The following AHDC1 variants were observed in gnomAD, a reference collection of about 807,000 sequenced individuals.
AHDC1 encodes the protein transcription factor Gibbin.
Under a neutral mutation model 87.9 loss-of-function variants are expected in AHDC1, and 7 were observed. The ratio of observed to expected loss-of-function variants is 0.08; its 90% confidence interval spans 0.05 to 0.15. The LOEUF (loss-of-function observed/expected upper bound fraction) is 0.15, where lower values mean the gene tolerates loss of function less well. AHDC1 is among the 10% of genes least tolerant of loss of function. The pLI is 1.00. For missense variants in AHDC1, 1,841 were observed against 2,253.2 expected (o/e 0.82, Z 3.70); for synonymous variants, 1,051 against 1,006.8 (o/e 1.04, Z -0.83).
At position 27,549,380 on chromosome 1, in the gene AHDC1, C is replaced by A; in HGVS notation, c.2736G>T (p.Gln912His). The A allele has an allele frequency of 5.0e-6, 8 of 1,613,082 alleles. No homozygotes were observed. Among genetic ancestry groups the A allele is most frequent in the Non-Finnish European group, 5.9e-6 (7 of 1,179,866 alleles). The stretch of plus-strand genomic sequence containing the variant: ...AGGTCTGGCGCGCGGACAGGACAGG[C>A]TGAAAGGAGGGGTCCGCCCCAGCCC... ...SSGAGADPSF[Q>H]PVLSARQTFP... Residue 912 changes from glutamine to histidine, a missense_variant, in exon 8 of 9, where the codon CAG (glutamine) becomes CAT (histidine). Transcript: ENST00000673934.
intron 3 of AHDC1, among the ~76,000 whole-genome samples, chr1:27,567,274 C>T (rs560279989): frequency 6.6e-6 from 1 of 152,206 alleles, no homozygotes; most frequent in Non-Finnish European, 1.5e-5. Flanking sequence ...GCCTACCGGG[C>T]TCCAGTTGCC....
chr1:27,571,616 G>T (rs186563821), intron 3 of AHDC1, among the ~76,000 whole-genome samples: 101 of 152,236 alleles, frequency 6.6e-4, no homozygotes, highest in Middle Eastern at 6.8e-3. Context: ...AAGGAGGGGG[G>T]GGTGGCTGCT....
chr1:27,549,036 C>G lies in AHDC1; in HGVS notation c.3080G>C (p.Gly1027Ala). Residue 1027 changes from glycine to alanine, a missense_variant, in exon 8 of 9, where the codon GGC (glycine) becomes GCC (alanine). Gly to Ala is a moderately conservative substitution (Grantham distance 60). Transcript: ENST00000673934. Reference sequence around the variant, plus strand: ...GGCCTTGCTTGGTGGCAGGCAGGGGCCCCCGGTAGGCGGTGGGGCATAGCC... The same window carrying G: ...GGCCTTGCTTGGTGGCAGGCAGGGGGCCCCGGTAGGCGGTGGGGCATAGCC... ...SAGYAPPPTGGPCLPPSKASF... is the reference protein window; with the variant it reads ...SAGYAPPPTGAPCLPPSKASF... 2 of 1,572,886 alleles carry G rather than the reference C, an allele frequency of 1.3e-6. No individual in the cohort carries two copies. Among genetic ancestry groups the G allele is most frequent in the Non-Finnish European group, 8.6e-7 (1 of 1,158,866 alleles).
intron 5 of AHDC1, among the ~76,000 whole-genome samples, chr1:27,555,966 C>T (rs543012889): frequency 1.4e-4 from 21 of 152,292 alleles, no homozygotes; most frequent in Non-Finnish European, 2.4e-4. Flanking sequence ...CACACCCCGG[C>T]GGCCATTCTC....
At chr1:27,602,624 G>A (rs1335576094) in intron 3 of AHDC1, among the ~76,000 whole-genome samples, 2 of 152,198 alleles carry the variant, frequency 1.3e-5, no homozygotes, top group Non-Finnish European at 2.9e-5. Context: ...TGCCTAGGGG[G>A]CTGACAGCTG....
chr1:27,547,545 G>T lies in AHDC1; in HGVS notation c.4571C>A (p.Pro1524His). ...AGCAGGGCCACGGGGTGGGCCAGGG[G>T]GCCGGGCCATTTCCAGTGGCTCCTT... ...ADKEPLEMAR[P>H]PGPPRGPAAA... The change falls in exon 8 of 9, where the codon CCC becomes CAC. Residue 1524 changes from proline (P) to histidine (H), a missense_variant. Around this residue, in one of 13 missense-constraint regions of AHDC1, gnomAD observed 505 missense variants for 626.2 expected, o/e 0.81. Transcript: ENST00000673934. This position sits in a 1 kb window ranked among gnomAD's most constrained non-coding sequence, Gnocchi z 4.9. 9.3e-6 allele frequency: 15 copies of T among 1,611,366 alleles called. No homozygotes were observed. Among genetic ancestry groups the T allele is most frequent in the South Asian group, 2.2e-5 (2 of 90,932 alleles).
chr1:27,542,581 G>C (rs912011826), intron 8 of AHDC1, among the ~76,000 whole-genome samples: 1 of 152,206 alleles, frequency 6.6e-6, no homozygotes, highest in Admixed American at 6.5e-5. Flanking sequence ...AGGGCTTCAC[G>C]TGTAATCTCA....
chr1:27,544,694 C>T (rs1323018607), intron 8 of AHDC1, among the ~76,000 whole-genome samples: 1 of 152,168 alleles, frequency 6.6e-6, no homozygotes, highest in African/African-American at 2.4e-5. Context: ...TTTGATCATC[C>T]CCTGGCACTG....
chr1:27,547,624 C>G lies in AHDC1; in HGVS notation c.4492G>C (p.Ala1498Pro). Residue 1498 changes from alanine to proline, a missense_variant, in exon 8 of 9, where the codon GCG becomes CCG. Transcript: ENST00000673934. This position sits in a 1 kb window ranked among gnomAD's most constrained non-coding sequence, Gnocchi z 4.9. ...GCCAGGTGAGGGGCACTGAGGCACG[C>G]GGCCTCCGTCCTGCCCAGGAAGTCA... ...LADFLGRTEA[A>P]CLSAPHLASP... The G allele has an allele frequency of 6.2e-7, 1 of 1,600,108 alleles. No individual in the cohort carries two copies. The highest frequency in any genetic ancestry group is 8.5e-7 in the Non-Finnish European group (1 of 1,174,260).
Position 27,549,227 on chromosome 1 carries a change from A to G in AHDC1, c.2889T>C (p.Pro963=). The G allele has an allele frequency of 3.1e-6, 5 of 1,604,198 alleles. No homozygotes were observed. The highest frequency in any genetic ancestry group is 4.3e-6 in the Non-Finnish European group (5 of 1,174,830). ...CGTACTGGGGCAGGTAGGTGTTGGC[A>G]GGCGGGTGGGTGGTAGGTGAGCGGG... ...AMARSPTTHP[P]ANTYLPQYGG... Residue 963 remains proline, a synonymous_variant, in exon 8 of 9, where the codon CCT becomes CCC. Transcript: ENST00000673934.
intron 3 of AHDC1, among the ~76,000 whole-genome samples, chr1:27,577,917 C>T (rs2088803311): frequency 6.6e-6 from 1 of 152,214 alleles, no homozygotes; most frequent in Non-Finnish European, 1.5e-5. Context: ...GGAGTTAAGA[C>T]TCCAGGGGAG....
At chr1:27,553,665 CT>C (rs2019676960) in intron 5 of AHDC1, 1 of 152,156 alleles carries the variant, frequency 6.6e-6, no homozygotes, top group Non-Finnish European at 1.5e-5. Flanking sequence ...AAACTACCCC[CT>C]GGAAGATGGT....
intron 3 of AHDC1, among the ~76,000 whole-genome samples, chr1:27,576,048 C>G (rs2088732634): frequency 6.6e-6 from 1 of 152,014 alleles, no homozygotes; most frequent in South Asian, 2.1e-4. Flanking sequence ...TAATAGCGTG[C>G]CTGGCTCGGG....
intron 3 of AHDC1, among the ~76,000 whole-genome samples, chr1:27,597,160 G>A (rs1410685738): frequency 1.3e-5 from 2 of 152,150 alleles, no homozygotes; most frequent in African/African-American, 4.8e-5. Context: ...GGGGGCAGGT[G>A]GCAGGGGGAG....
intron 3 of AHDC1, among the ~76,000 whole-genome samples, chr1:27,573,872 G>GCTAA: frequency 6.6e-6 from 1 of 152,322 alleles, no homozygotes; most frequent in East Asian, 1.9e-4. Flanking sequence ...GCTCACAAGA[G>GCTAA]GTAGGGTAAT....
At chr1:27,538,400 C>CAAAAAAAAAAAAAAAAAAAAAAA (rs370786800) in intron 8 of AHDC1, among the ~76,000 whole-genome samples, 9 of 60,696 alleles carry the variant, frequency 1.5e-4, no homozygotes, top group African/African-American at 2.6e-4. Flanking sequence ...AAGACTGTCT[C>CAAAAAAAAAAAAAAAAAAAAAAA]AAAAAAAAAA....
At position 27,549,896 on chromosome 1, in the gene AHDC1, G is replaced by C; in HGVS notation, c.2220C>G (p.Arg740=). 1 of 1,613,694 alleles carries C rather than the reference G, an allele frequency of 6.2e-7. No individual in the cohort carries two copies. The highest frequency in any genetic ancestry group is 8.5e-7 in the Non-Finnish European group (1 of 1,179,888). The change falls in exon 8 of 9, where the codon CGC becomes CGG. Residue 740 remains arginine (R), a synonymous_variant. Coordinates refer to ENST00000673934, the MANE Select transcript of AHDC1 (RefSeq NM_001371928.1). ...EVDAVTGKPK[R]KRRSRKNGTL... The stretch of plus-strand genomic sequence containing the variant: ...TCCCATTCTTCCGGGACCGTCTCTT[G>C]CGCTTTGGCTTCCCAGTCACAGCGT...
chr1:27,547,942 C>T lies in AHDC1; in HGVS notation c.4174G>A (p.Ala1392Thr), dbSNP rs952050939. Residue 1392 changes from alanine (A) to threonine (T), a missense_variant, in exon 8 of 9, where the codon GCC (alanine) becomes ACC (threonine). Physicochemically the swap from Ala to Thr is moderately conservative, Grantham distance 58. Around this residue, in one of 13 missense-constraint regions of AHDC1, gnomAD observed 505 missense variants for 626.2 expected, o/e 0.81. Transcript: ENST00000673934. This position sits in a 1 kb window ranked among gnomAD's most constrained non-coding sequence, Gnocchi z 4.9. ...PLAHPPTVFD[A>T]GLQKAYSPTC... ...GGCGAGTATGCCTTCTGCAGGCCGG[C>T]GTCAAACACCGTGGGTGGGTGGGCC... The T allele has an allele frequency of 5.0e-6, 8 of 1,587,620 alleles. No homozygotes were observed. Among genetic ancestry groups the T allele is most frequent in the African/African-American group, 2.7e-5 (2 of 74,646 alleles).
intron 8 of AHDC1, among the ~76,000 whole-genome samples, chr1:27,546,174 C>A (rs763327762): frequency 1.3e-5 from 2 of 152,152 alleles, no homozygotes; most frequent in Non-Finnish European, 2.9e-5. Context: ...CCCAGTCTGC[C>A]CCATCACCAA....
Sources: gnomAD v4.1 joint callset for allele counts (sites outside exome capture counted in the v4.1 genomes callset) on GRCh38, gnomAD v4.1.1 for gene constraint, gnomAD v4.1.1 regional missense constraint, Gnocchi (gnomAD v3.1) non-coding constraint, MANE v1.5 for transcripts, NCBI Gene and HGNC (gene_info 2026-07-23, HGNC 2026-07-21) for gene names.